The following IFT81 variants were observed in gnomAD, a reference collection of about 807,000 sequenced individuals.
IFT81 encodes the protein intraflagellar transport 81.
Under a neutral mutation model 102.6 loss-of-function variants are expected in IFT81, and 72 were observed. The observed-to-expected ratio is 0.70, with a 90% CI of 0.58 to 0.85. The LOEUF (loss-of-function observed/expected upper bound fraction) is 0.85, where lower values mean the gene tolerates loss of function less well. Ranked by LOEUF, IFT81 falls within the 40% of genes least tolerant of loss-of-function variation. The pLI is 0.00. For synonymous variants in IFT81, 237 were observed against 242.7 expected (o/e 0.98, Z 0.22); for missense variants, 723 against 787.3 (o/e 0.92, Z 0.98).
intron 12 of IFT81, among the ~76,000 whole-genome samples, chr12:110,187,430 AT>A (rs1897586505): frequency 6.6e-6 from 1 of 151,862 alleles, no homozygotes; most frequent in Admixed American, 6.6e-5. Flanking sequence ...CACCCGGCTA[AT>A]TTTTTGTATT....
At chr12:110,149,546 G>A (rs549202747) in intron 10 of IFT81, among the ~76,000 whole-genome samples, 3 of 152,286 alleles carry the variant, frequency 2.0e-5, no homozygotes, top group South Asian at 2.1e-4. Flanking sequence ...TTGGTGTACC[G>A]GAAGAACGGA....
chr12:110,152,643 C>G (rs1282649056), intron 10 of IFT81, among the ~76,000 whole-genome samples: 1 of 151,724 alleles, frequency 6.6e-6, no homozygotes, highest in African/African-American at 2.4e-5. Context: ...GGGTCTCACT[C>G]TATTGCCCAG....
At position 110,209,174 on chromosome 12, in the gene IFT81, A is replaced by G; in HGVS notation, c.1806A>G (p.Glu602=). 1.3e-6 allele frequency: 2 copies of G among 1,538,616 alleles called. No homozygotes were observed. Among genetic ancestry groups the G allele is most frequent in the Non-Finnish European group, 1.8e-6 (2 of 1,116,558 alleles). The change falls in exon 18 of 19, where the codon GAA becomes GAG. Residue 602 remains glutamate (E), a synonymous_variant. Transcript: ENST00000242591. ...AATCATTATGTTGACTCCCTAGGGA[A>G]CAGTATACCAAAAATACTGCTGAAC... ...DQQEKRKAIR[E]QYTKNTAEQE... is the part of the protein sequence containing the mutation.
At chr12:110,142,455 C>T (rs1403290297) in intron 8 of IFT81, among the ~76,000 whole-genome samples, 1 of 152,182 alleles carries the variant, frequency 6.6e-6, no homozygotes, top group Non-Finnish European at 1.5e-5. Flanking sequence ...GCGTGAGCCA[C>T]TGCACCTGGC....
intron 9 of IFT81, among the ~76,000 whole-genome samples, chr12:110,144,317 A>G (rs1895071159): frequency 6.6e-6 from 1 of 151,996 alleles, no homozygotes; most frequent in African/African-American, 2.4e-5. Flanking sequence ...CCCGAGTTCA[A>G]GCGATTCTCC....
chr12:110,207,630 T>G (rs1868830164), intron 17 of IFT81, among the ~76,000 whole-genome samples: 1 of 142,882 alleles, frequency 7.0e-6, no homozygotes, highest in South Asian at 2.4e-4. Context: ...TGGCGTGATC[T>G]CAGCTCACTG....
At chr12:110,139,804 AAAATAAAATAAAAT>A (rs1304291964) in intron 8 of IFT81, among the ~76,000 whole-genome samples, 12 of 142,092 alleles carry the variant, frequency 8.4e-5, no homozygotes, top group Non-Finnish European at 1.8e-4. Flanking sequence ...TACATACAAT[AAAATAAAATAAAAT>A]AAATAAAATA....
chr12:110,161,064 A>G (rs568048579), intron 10 of IFT81, among the ~76,000 whole-genome samples: 33 of 148,384 alleles, frequency 2.2e-4, no homozygotes, highest in African/African-American at 8.2e-4. Flanking sequence ...TTATCATGTT[A>G]TTTATTTTAT....
In IFT81 at chr12:110,213,311, T is replaced by C. The variant is rs1869706789; in HGVS notation, c.1848+4095T>C. On this transcript the variant is annotated intron_variant, in intron 18 of 18. Transcript: ENST00000242591. The stretch of plus-strand genomic sequence containing the variant: ...AAAAGAAAAAAAAAACGGTAATTTG[T>C]CCTAGTGGGTTTTCAACATTTTGAA... Among the ~76,000 whole-genome samples, 2 of 152,230 alleles carry C rather than the reference T, an allele frequency of 1.3e-5. 1 individual carries two copies. The highest frequency in any genetic ancestry group is 6.3e-3 in the Middle Eastern group (2 of 316).
At chr12:110,146,844 T>C (rs1895251901) in intron 9 of IFT81, 109 bp from the exon 10 acceptor site, 3 of 1,316,448 alleles carry the variant, frequency 2.3e-6, no homozygotes, top group Non-Finnish European at 3.0e-6. Context: ...GACCTTGTCT[T>C]TAAAAAAAAA....
chr12:110,205,957 A>G (rs1868567248), intron 17 of IFT81, among the ~76,000 whole-genome samples: 1 of 152,236 alleles, frequency 6.6e-6, no homozygotes, highest in Non-Finnish European at 1.5e-5. Context: ...GGCATTGATT[A>G]CATTCACAAT....
At chr12:110,161,296 A>G (rs1896121185) in intron 10 of IFT81, among the ~76,000 whole-genome samples, 1 of 151,716 alleles carries the variant, frequency 6.6e-6, no homozygotes, top group Non-Finnish European at 1.5e-5. Context: ...ACACGCCACC[A>G]TGCCTGGCTT....
intron 11 of IFT81, among the ~76,000 whole-genome samples, chr12:110,171,736 G>A (rs1483923974): frequency 6.6e-6 from 1 of 152,220 alleles, no homozygotes; most frequent in Admixed American, 6.5e-5. Context: ...GCAACTCTGA[G>A]ACCAGACTTC....
intron 10 of IFT81, among the ~76,000 whole-genome samples, chr12:110,147,555 G>T (rs1178807081): frequency 1.3e-5 from 2 of 152,168 alleles, no homozygotes; most frequent in African/African-American, 4.8e-5. Flanking sequence ...TGAAGGCCAT[G>T]GCTTATCTGA....
In IFT81 at chr12:110,192,835, G is replaced by A. The variant is rs192829141; in HGVS notation, c.1557+129G>A. The A allele has an allele frequency of 9.4e-4, 523 of 554,404 alleles. 2 individuals carry two copies. Among genetic ancestry groups the A allele is most frequent in the Non-Finnish European group, 5.1e-4 (157 of 308,440 alleles). 34.3% of individuals were successfully genotyped at this position (554,404 alleles called of 1,614,324 possible). On this transcript the variant is annotated intron_variant, in intron 14 of 18. Coordinates refer to ENST00000242591, the MANE Select transcript of IFT81 (RefSeq NM_014055.4). ...ATAGAAAACAAATTATCATTATTAC[G>A]TTATTGATACAATTCTTCAAAAGAG...
Position 110,163,022 on chromosome 12 carries a change from A to G in IFT81, c.1145A>G (p.Gln382Arg), listed in dbSNP as rs779479537. Reference protein sequence around the residue: ...LEREASVKRNQTREFDGTEVL... With the variant: ...LEREASVKRNRTREFDGTEVL... ...AGAGAAGCATCAGTAAAGAGAAATC[A>G]GACCCGTGAATTTGATGGTACTGAA... is the stretch of plus-strand genomic sequence containing the variant. Residue 382 changes from glutamine to arginine, a missense_variant, in exon 11 of 19, where the codon CAG becomes CGG. Physicochemically the swap from Gln to Arg is conservative, Grantham distance 43 (BLOSUM62 1). Coordinates refer to ENST00000242591, the MANE Select transcript of IFT81 (RefSeq NM_014055.4). 6 of 1,613,934 alleles carry G rather than the reference A, an allele frequency of 3.7e-6. No homozygotes were observed. The highest frequency in any genetic ancestry group is 3.3e-4 in the Middle Eastern group (2 of 6,084).
In IFT81 at chr12:110,201,470, C is replaced by T. The variant is rs145539490; in HGVS notation, c.1558-2394C>T. 7.2e-3 allele frequency among the ~76,000 whole-genome samples: 1,089 copies of T among 150,812 alleles called. 12 individuals carry two copies. Among genetic ancestry groups the T allele is most frequent in the Middle Eastern group, 0.021 (6 of 292 alleles). On this transcript the variant is annotated intron_variant, in intron 14 of 18. Coordinates refer to ENST00000242591, the MANE Select transcript of IFT81 (RefSeq NM_014055.4). ...TTTTGAGACAGGGTCTTGCTCTTGTCGCCCAGGCTGAGTGCAGTGGCACCA... is the reference window on the plus strand; with the variant it reads ...TTTTGAGACAGGGTCTTGCTCTTGTTGCCCAGGCTGAGTGCAGTGGCACCA...
chr12:110,135,162 A>G, intron 6 of IFT81, 149 bp downstream of exon 6: 1 of 747,082 alleles, frequency 1.3e-6, no homozygotes, highest in South Asian at 1.8e-5. Flanking sequence ...CTCTCTAGAC[A>G]GTAGCCCAGC....
intron 9 of IFT81, among the ~76,000 whole-genome samples, chr12:110,144,185 TG>T (rs1416814422): frequency 6.8e-6 from 1 of 146,410 alleles, no homozygotes; most frequent in Non-Finnish European, 1.5e-5. Context: ...GCTAATTTTT[TG>T]TTGTTGTTGT....
Sources: gnomAD v4.1 joint callset for allele counts (sites outside exome capture counted in the v4.1 genomes callset) on GRCh38, gnomAD v4.1.1 for gene constraint, MANE v1.5 for transcripts, NCBI Gene and HGNC (gene_info 2026-07-23, HGNC 2026-07-21) for gene names.